Variants in CRB1 observed in about 807,000 individuals in gnomAD.
CRB1 encodes the protein crumbs cell polarity complex component 1.
CRB1 carries 83 observed loss-of-function variants against 120.0 expected under a neutral mutation model. The ratio of observed to expected loss-of-function variants is 0.69; its 90% CI spans 0.58 to 0.83. The LOEUF is 0.83. Among genes scored for constraint, CRB1 ranks in the 40% least tolerant of loss-of-function variants. The pLI is 0.00. For missense variants in CRB1, 1,699 were observed against 1,687.6 expected (o/e 1.01, Z -0.12); for synonymous variants, 625 against 612.5 (o/e 1.02, Z -0.30).
intron 11 of CRB1, among the ~76,000 whole-genome samples, chr1:197,457,047 C>T (rs1011537981): frequency 6.6e-6 from 1 of 152,086 alleles, no homozygotes; most frequent in Non-Finnish European, 1.5e-5. Flanking sequence ...GAATATGTTG[C>T]TCATTGTTCT....
chr1:197,326,449 G>T (rs1022043583), intron 1 of CRB1, among the ~76,000 whole-genome samples: 7 of 151,956 alleles, frequency 4.6e-5, no homozygotes, highest in African/African-American at 1.5e-4. Flanking sequence ...CGGCAACATG[G>T]TGAAACCCCC....
At chr1:197,248,639 G>A in the CRB1 span, among the ~76,000 whole-genome samples, 59 of 152,018 alleles carry the variant, frequency 3.9e-4, no homozygotes, top group East Asian at 0.011. Flanking sequence ...TGTTTCTGAA[G>A]TTGATGTTAA....
chr1:197,357,921 A>G (rs1222319719), intron 5 of CRB1: 1 of 152,238 alleles, frequency 6.6e-6, no homozygotes, highest in Non-Finnish European at 1.5e-5. Flanking sequence ...GAGAACATAC[A>G]GTAAAAAAAT....
At chr1:197,222,680 C>G in the CRB1 span, 6 of 789,104 alleles carry the variant, frequency 7.6e-6, no homozygotes, top group Non-Finnish European at 1.4e-5. Context: ...TCCATAATTA[C>G]TTGTTTCAGG....
chr1:197,463,257 C>T (rs1298544023), intron 11 of CRB1, among the ~76,000 whole-genome samples: 1 of 152,076 alleles, frequency 6.6e-6, no homozygotes, highest in Non-Finnish European at 1.5e-5. Context: ...AGACAGTTTA[C>T]CTCCTGACAC....
the CRB1 span, among the ~76,000 whole-genome samples, chr1:197,235,758 A>G: frequency 6.6e-6 from 1 of 152,218 alleles, no homozygotes; most frequent in African/African-American, 2.4e-5. Flanking sequence ...GTGAGCTGAT[A>G]TAAGAAACAG....
chr1:197,421,557 G>T lies in CRB1; in HGVS notation c.1729G>T (p.Ala577Ser), dbSNP rs377023757. ...TTTCGTGGAGGTAATATTTGCAGAG[G>T]CTGTGACCCTTACCTTAATCGACGA... is the stretch of plus-strand genomic sequence containing the variant. ...WHFVEVIFAE[A>S]VTLTLIDDSC... Residue 577 changes from alanine (A) to serine (S), a missense_variant, in exon 6 of 12, where the codon GCT becomes TCT. Transcript: ENST00000367400. 1.2e-6 allele frequency: 2 copies of T among 1,614,206 alleles called. No individual in the cohort carries two copies. Among genetic ancestry groups the T allele is most frequent in the Non-Finnish European group, 1.7e-6 (2 of 1,180,050 alleles).
chr1:197,327,844 C>T (rs1412461158), intron 1 of CRB1, among the ~76,000 whole-genome samples: 1 of 152,110 alleles, frequency 6.6e-6, no homozygotes, highest in African/African-American at 2.4e-5. Flanking sequence ...GATCTGCTTT[C>T]CAATTGTGTA....
At chr1:197,396,228 TTAATTTTTTTAAATGAAA>T (rs2125423555) in intron 5 of CRB1, among the ~76,000 whole-genome samples, 1 of 152,246 alleles carries the variant, frequency 6.6e-6, no homozygotes, top group South Asian at 2.1e-4. Flanking sequence ...TAAAGTACTA[TTAATTTTTTTAAATGAAA>T]TAATTAGGTA....
intron 4 of CRB1, among the ~76,000 whole-genome samples, chr1:197,352,164 A>G (rs757867316): frequency 2.0e-5 from 3 of 152,220 alleles, no homozygotes; most frequent in Non-Finnish European, 4.4e-5. Context: ...ACTCAGTATC[A>G]TGTTGTTTAT....
intron 1 of CRB1, among the ~76,000 whole-genome samples, chr1:197,319,351 C>A (rs2125287283): frequency 8.0e-6 from 1 of 125,776 alleles, no homozygotes; most frequent in South Asian, 2.8e-4. Flanking sequence ...TTGCCTGAAC[C>A]TGGGAGGTAG....
chr1:197,236,120 A>G, the CRB1 span, among the ~76,000 whole-genome samples: 1 of 151,978 alleles, frequency 6.6e-6, no homozygotes, highest in Non-Finnish European at 1.5e-5. Flanking sequence ...ATTATTAATC[A>G]TACATATTGT....
chr1:197,476,083 T>G (rs1667184058), intron 11 of CRB1, among the ~76,000 whole-genome samples: 1 of 152,068 alleles, frequency 6.6e-6, no homozygotes, highest in South Asian at 2.1e-4. Context: ...CTAATTTTTG[T>G]ATATTTAGTA....
chr1:197,211,738 A>G, the CRB1 span, among the ~76,000 whole-genome samples: 1 of 152,226 alleles, frequency 6.6e-6, no homozygotes, highest in Non-Finnish European at 1.5e-5. Flanking sequence ...CATATTATGA[A>G]TATGTTAATT....
Position 197,427,447 on chromosome 1 carries a change from A to C in CRB1, c.2129-7A>C, listed in dbSNP as rs773844151. On this transcript the variant is annotated splice_region_variant and splice_polypyrimidine_tract_variant and intron_variant, in intron 6 of 11. Coordinates refer to ENST00000367400, the MANE Select transcript of CRB1 (RefSeq NM_201253.3). ...TTTTCTCCTCCTCCTCTATTTTGAC[A>C]TTGAAGAGTATGTGGCAGGCAGATT... 4 of 1,613,022 alleles carry C rather than the reference A, an allele frequency of 2.5e-6. No individual in the cohort carries two copies. In the South Asian group the frequency reaches 4.4e-5, roughly 18 times the overall value.
intron 11 of CRB1, among the ~76,000 whole-genome samples, chr1:197,466,684 C>T (rs1666763270): frequency 6.6e-6 from 1 of 152,164 alleles, no homozygotes; most frequent in African/African-American, 2.4e-5. Flanking sequence ...TATGATGACA[C>T]AGACTAGATT....
At chr1:197,404,637 T>A (rs1028315970) in intron 5 of CRB1, among the ~76,000 whole-genome samples, 1 of 152,186 alleles carries the variant, frequency 6.6e-6, no homozygotes, top group Non-Finnish European at 1.5e-5. Context: ...TTACCTCTCA[T>A]CTTTTTCTTG....
At chr1:197,205,865 A>G in the CRB1 span, among the ~76,000 whole-genome samples, 1 of 149,536 alleles carries the variant, frequency 6.7e-6, no homozygotes, top group Non-Finnish European at 1.5e-5. Flanking sequence ...TCAGCTGCGA[A>G]TCCATCTGGT....
chr1:197,302,221 C>T (rs1656906132), intron 1 of CRB1, among the ~76,000 whole-genome samples: 1 of 152,142 alleles, frequency 6.6e-6, no homozygotes, highest in Admixed American at 6.6e-5. Flanking sequence ...CAAGACCCTC[C>T]ACCAGCAAAA....
Sources: gnomAD v4.1 joint callset for allele counts (sites outside exome capture counted in the v4.1 genomes callset) on GRCh38, gnomAD v4.1.1 for gene constraint, MANE v1.5 for transcripts, NCBI Gene and HGNC (gene_info 2026-07-23, HGNC 2026-07-21) for gene names.